The following VAT1L variants were observed in gnomAD, a reference collection of about 807,000 sequenced individuals.
VAT1L encodes the protein vesicle amine transport 1 like.
Under a neutral mutation model 44.1 loss-of-function variants are expected in VAT1L, and 34 were observed. The observed-to-expected ratio is 0.77, with a 90% CI of 0.59 to 1.03. The LOEUF (loss-of-function observed/expected upper bound fraction) is 1.03. Ranked by LOEUF, VAT1L falls within the 50% of genes least tolerant of loss-of-function variation. The pLI is 0.00. For missense variants in VAT1L, 615 were observed against 538.8 expected, an observed-to-expected ratio of 1.14 and a Z score of -1.40; for synonymous variants, 253 against 202.2, an observed-to-expected ratio of 1.25 and a Z score of -2.13.
At chr16:77,840,776 G>C (rs1322210423) in intron 3 of VAT1L, among the ~76,000 whole-genome samples, 3 of 152,170 alleles carry the variant, frequency 2.0e-5, no homozygotes, top group Non-Finnish European at 4.4e-5. Flanking sequence ...GAGACCTGGG[G>C]CACATTCCTT....
intron 3 of VAT1L, among the ~76,000 whole-genome samples, chr16:77,837,697 T>G (rs745642180): frequency 6.6e-6 from 1 of 152,162 alleles, no homozygotes; most frequent in Non-Finnish European, 1.5e-5. Context: ...GCTTCTCTGG[T>G]TTCCAGGTGA....
chr16:77,971,929 C>A lies in VAT1L; in HGVS notation c.1157C>A (p.Pro386Gln), dbSNP rs761535109. The change falls in exon 8 of 9, where the codon CCA becomes CAA. Residue 386 changes from proline (P) to glutamine (Q), a missense_variant. Pro to Gln is a moderately conservative substitution (Grantham distance 76, BLOSUM62 -1). Transcript: ENST00000302536. ...LILDVEKTPT[P>Q]LMANDSTETS... ...CTGGATGTAGAAAAGACCCCAACTCCACTGGTGAGTGAAAAGCAGAGGAGT... is the reference window on the plus strand; with the variant it reads ...CTGGATGTAGAAAAGACCCCAACTCAACTGGTGAGTGAAAAGCAGAGGAGT... The A allele has an allele frequency of 6.8e-6, 11 of 1,613,430 alleles. No individual in the cohort carries two copies. In the Admixed American group the frequency reaches 1.7e-4, roughly 24 times the overall value.
intron 8 of VAT1L, among the ~76,000 whole-genome samples, chr16:77,975,229 A>T (rs1332254242): frequency 1.7e-5 from 1 of 57,714 alleles, no homozygotes. Context: ...TTTTTTTTTT[A>T]AAGACAGTCT....
chr16:77,840,751 C>T (rs2016696286), intron 3 of VAT1L, among the ~76,000 whole-genome samples: 1 of 152,168 alleles, frequency 6.6e-6, no homozygotes, highest in Admixed American at 6.5e-5. Context: ...CCTGGCCCAG[C>T]TATTTGATGA....
rs1391675072 is a variant in VAT1L at position 77,977,979 on chromosome 16, TG to T, written c.*285del. 6.2e-6 allele frequency: 2 copies of T among 322,716 alleles called. No homozygotes were observed. The highest frequency in any genetic ancestry group is 4.3e-5 in the African/African-American group (2 of 46,392). 20.0% of individuals were successfully genotyped at this position (322,716 alleles called of 1,614,324 possible). On this transcript the variant is annotated 3_prime_UTR_variant, in exon 9 of 9. Coordinates refer to ENST00000302536, the MANE Select transcript of VAT1L (RefSeq NM_020927.3). ...CTTCTTGACAGTTCTAGAACAGCCT[TG>T]CAAATTAATACAAGTCCCAGGCCCA...
chr16:77,919,580 A>C (rs961517699), intron 7 of VAT1L, among the ~76,000 whole-genome samples: 6 of 152,098 alleles, frequency 3.9e-5, no homozygotes, highest in Non-Finnish European at 7.3e-5. Flanking sequence ...CCATTTTTTC[A>C]ATTGGTGGCT....
chr16:77,926,089 C>T (rs752590356), intron 7 of VAT1L, among the ~76,000 whole-genome samples: 17 of 151,140 alleles, frequency 1.1e-4, no homozygotes, highest in East Asian at 2.0e-4. Context: ...TGTGAAACCC[C>T]GTCTCTACTA....
chr16:77,805,038 C>T (rs898731527), intron 1 of VAT1L, among the ~76,000 whole-genome samples: 1 of 152,074 alleles, frequency 6.6e-6, no homozygotes, highest in South Asian at 2.1e-4. Flanking sequence ...GAACTGGTCA[C>T]CAAGGGGACC....
At chr16:77,975,150 G>T (rs573918009) in intron 8 of VAT1L, among the ~76,000 whole-genome samples, 1 of 150,422 alleles carries the variant, frequency 6.6e-6, no homozygotes, top group South Asian at 2.1e-4. Flanking sequence ...TGGAGGAGGG[G>T]ACAGAGGCGC....
At chr16:77,847,316 G>A (rs1225626542) in intron 3 of VAT1L, among the ~76,000 whole-genome samples, 1 of 152,068 alleles carries the variant, frequency 6.6e-6, no homozygotes, top group Non-Finnish European at 1.5e-5. Flanking sequence ...AAAGCAGTAG[G>A]TGTATGAGAG....
At chr16:77,934,027 A>T (rs755696705) in intron 7 of VAT1L, among the ~76,000 whole-genome samples, 1 of 152,198 alleles carries the variant, frequency 6.6e-6, no homozygotes, top group Non-Finnish European at 1.5e-5. Flanking sequence ...TCTGTGCAAT[A>T]GACTGTTCTG....
At chr16:77,863,517 C>G (rs2016937894) in intron 4 of VAT1L, among the ~76,000 whole-genome samples, 1 of 152,194 alleles carries the variant, frequency 6.6e-6, no homozygotes, top group Non-Finnish European at 1.5e-5. Context: ...CCAGGCATTT[C>G]AACTTCGGAG....
chr16:77,884,833 A>C lies in VAT1L; in HGVS notation c.1077+31A>C. On this transcript the variant is annotated intron_variant, in intron 7 of 8. Coordinates refer to ENST00000302536, the MANE Select transcript of VAT1L (RefSeq NM_020927.3). The surrounding 1 kb of genome is among the most constrained non-coding windows in gnomAD (Gnocchi z 4.5). ...AATGGTGCTTTTCTTCTGCAAATAA[A>C]CTCCTCTTTTTAACTCAGGAAGGTT... 2.1e-6 allele frequency: 3 copies of C among 1,431,512 alleles called. No homozygotes were observed. The highest frequency in any genetic ancestry group is 5.3e-5 in the East Asian group (2 of 37,766). 88.7% of individuals were successfully genotyped at this position (1,431,512 alleles called of 1,614,324 possible).
chr16:77,939,616 A>G (rs1167823999), intron 7 of VAT1L, among the ~76,000 whole-genome samples: 1 of 152,182 alleles, frequency 6.6e-6, no homozygotes, highest in African/African-American at 2.4e-5. Context: ...CCTGGGTACA[A>G]GAAAATCTCA....
At chr16:77,940,695 A>G (rs923914342) in intron 7 of VAT1L, among the ~76,000 whole-genome samples, 5 of 152,116 alleles carry the variant, frequency 3.3e-5, no homozygotes, top group African/African-American at 1.2e-4. Flanking sequence ...ACCCAGCTCA[A>G]TGATACATCC....
intron 8 of VAT1L, among the ~76,000 whole-genome samples, chr16:77,973,416 C>T (rs758863842): frequency 2.3e-4 from 35 of 152,162 alleles, no homozygotes; most frequent in African/African-American, 3.6e-4. Flanking sequence ...TCCTGAGTAG[C>T]TGGCATTACA....
chr16:77,849,210 C>CA lies in VAT1L; in HGVS notation c.580-13537dup, dbSNP rs370410122. 2.0e-5 allele frequency among the ~76,000 whole-genome samples: 3 copies of CA among 152,272 alleles called. No individual in the cohort carries two copies. In the East Asian group the frequency reaches 5.8e-4, roughly 29 times the overall value. On this transcript the variant is annotated intron_variant, in intron 3 of 8. Transcript: ENST00000302536. ...ATAATAACAAAAAAAAGTAGGTGCA[C>CA]AGTGCATGGCACTTAGGTACGTGGC...
rs541231966 is a variant in VAT1L, at chr16:77,874,978, C to A, written c.723-1392C>A. On this transcript the variant is annotated intron_variant, in intron 4 of 8. Transcript: ENST00000302536. Reference sequence around the variant, plus strand: ...TAGAAATGCAAATCCCCACCACAGACCTACAGGATCAAAGAAAGGAAGGAT... The same window carrying A: ...TAGAAATGCAAATCCCCACCACAGAACTACAGGATCAAAGAAAGGAAGGAT... Among the ~76,000 whole-genome samples, 12 of 152,246 alleles carry A rather than the reference C, an allele frequency of 7.9e-5. No homozygotes were observed. The South Asian group carries it at 2.5e-3, about 32-fold the overall frequency.
rs1441333912 is a variant in VAT1L, at chr16:77,866,477, G to A, written c.722+3587G>A. ...TGATCACAGCTTTGTACAAATTCTCGGTGCATGTAGACTTAAAATGAAAGG... is the reference window on the plus strand; with the variant it reads ...TGATCACAGCTTTGTACAAATTCTCAGTGCATGTAGACTTAAAATGAAAGG... On this transcript the variant is annotated intron_variant, in intron 4 of 8. Transcript: ENST00000302536. Among the ~76,000 whole-genome samples the A allele has an allele frequency of 4.0e-5, 6 of 151,860 alleles. No homozygotes were observed. In the East Asian group the frequency reaches 7.7e-4, roughly 20 times the overall value.
Sources: allele counts gnomAD v4.1 joint callset (sites outside exome capture counted in the v4.1 genomes callset), GRCh38; gene constraint gnomAD v4.1.1; non-coding constraint Gnocchi (gnomAD v3.1); transcripts MANE v1.5; gene names NCBI Gene and HGNC (gene_info 2026-07-23, HGNC 2026-07-21).